Variants in SENP7 observed in about 807,000 individuals in gnomAD.
SENP7 encodes SUMO specific peptidase 7, also known as sentrin-specific protease 7.
Under a neutral mutation model 141.2 loss-of-function variants are expected in SENP7, and 64 were observed. That is an observed-to-expected ratio of 0.45 (90% confidence interval 0.37 to 0.56). The LOEUF (loss-of-function observed/expected upper bound fraction) is 0.56, where lower values mean the gene tolerates loss of function less well. Among genes scored for constraint, SENP7 ranks in the 20% least tolerant of loss-of-function variants. The pLI is 0.00. For missense variants in SENP7, 1,025 were observed against 1,212.2 expected, an observed-to-expected ratio of 0.85 and a Z score of 2.29; for synonymous variants, 382 against 426.4, an observed-to-expected ratio of 0.90 and a Z score of 1.28.
chr3:101,455,673 A>C (rs538275578), intron 4 of SENP7, among the ~76,000 whole-genome samples: 1 of 152,330 alleles, frequency 6.6e-6, no homozygotes, highest in African/African-American at 2.4e-5. Context: ...TCTTCTAAAA[A>C]TAATCTGCCC....
At chr3:101,462,326 C>A (rs2063572338) in intron 3 of SENP7, among the ~76,000 whole-genome samples, 1 of 151,542 alleles carries the variant, frequency 6.6e-6, no homozygotes, top group Non-Finnish European at 1.5e-5. Flanking sequence ...CAGATCACCT[C>A]AGGTCATGAG....
intron 19 of SENP7, among the ~76,000 whole-genome samples, chr3:101,330,665 T>C (rs886613404): frequency 6.6e-6 from 1 of 152,196 alleles, no homozygotes; most frequent in Admixed American, 6.5e-5. Flanking sequence ...TCTTCAAAAA[T>C]AGCTCATTAA....
intron 11 of SENP7, among the ~76,000 whole-genome samples, chr3:101,360,046 C>T (rs903720548): frequency 6.6e-6 from 1 of 152,020 alleles, no homozygotes; most frequent in African/African-American, 2.4e-5. Flanking sequence ...ACAGAAATAA[C>T]TGGGTAAACC....
intron 3 of SENP7, among the ~76,000 whole-genome samples, chr3:101,467,612 G>A (rs1475449803): frequency 6.6e-6 from 1 of 152,168 alleles, no homozygotes; most frequent in African/African-American, 2.4e-5. Context: ...TGCAGCTGAG[G>A]GACCTGACTG....
intron 14 of SENP7, 38 bp from the exon 15 acceptor site, chr3:101,341,817 A>G (rs751398774): frequency 3.3e-6 from 5 of 1,531,342 alleles, no homozygotes; most frequent in South Asian, 1.3e-5. Context: ...CTCAAACATC[A>G]TAACTTTCAA....
chr3:101,397,083 T>C (rs2060990750), intron 6 of SENP7, among the ~76,000 whole-genome samples: 1 of 152,298 alleles, frequency 6.6e-6, no homozygotes, highest in Non-Finnish European at 1.5e-5. Context: ...CCTCAGATGA[T>C]CCACCCGCCT....
intron 5 of SENP7, among the ~76,000 whole-genome samples, chr3:101,411,011 T>C (rs2061442961): frequency 6.6e-6 from 1 of 152,138 alleles, no homozygotes; most frequent in African/African-American, 2.4e-5. Context: ...AGCAAGGACT[T>C]TGAAGTTAGA....
intron 2 of SENP7, among the ~76,000 whole-genome samples, chr3:101,494,796 A>C (rs2065099881): frequency 6.6e-6 from 1 of 152,232 alleles, no homozygotes; most frequent in Non-Finnish European, 1.5e-5. Flanking sequence ...AAATTAATTC[A>C]AGATGGATTA....
intron 2 of SENP7, among the ~76,000 whole-genome samples, chr3:101,498,618 T>C (rs957370566): frequency 6.6e-6 from 1 of 152,218 alleles, no homozygotes; most frequent in African/African-American, 2.4e-5. Context: ...AAATGCAATG[T>C]GGGATCCTGG....
chr3:101,332,595 C>G (rs1423145860), intron 18 of SENP7, among the ~76,000 whole-genome samples, 175 bp downstream of exon 18: 15 of 151,504 alleles, frequency 9.9e-5, no homozygotes, highest in Admixed American at 9.9e-4. Flanking sequence ...TAACCATTGT[C>G]AAACCAAAAT....
intron 5 of SENP7, among the ~76,000 whole-genome samples, chr3:101,413,848 GAACA>G (rs2061524570): frequency 6.6e-6 from 1 of 152,074 alleles, no homozygotes; most frequent in African/African-American, 2.4e-5. Context: ...GAATATGGAG[GAACA>G]GACAGACACA....
intron 4 of SENP7, among the ~76,000 whole-genome samples, chr3:101,453,186 G>C (rs556423666): frequency 6.6e-5 from 10 of 152,318 alleles, no homozygotes; most frequent in East Asian, 5.8e-4. Context: ...ACACCAGTTA[G>C]AATGGCAATC....
chr3:101,446,619 C>T (rs1188600550), intron 4 of SENP7, among the ~76,000 whole-genome samples: 5 of 152,044 alleles, frequency 3.3e-5, no homozygotes, highest in African/African-American at 9.7e-5. Flanking sequence ...AGTGGAACAC[C>T]GGAAACTGTA....
At chr3:101,343,477 T>G (rs2059380447) in intron 14 of SENP7, among the ~76,000 whole-genome samples, 1 of 152,168 alleles carries the variant, frequency 6.6e-6, no homozygotes, top group African/African-American at 2.4e-5. Flanking sequence ...AAATATAGAC[T>G]AATATTTATT....
chr3:101,394,184 T>C (rs2060895619), intron 6 of SENP7, among the ~76,000 whole-genome samples: 1 of 152,164 alleles, frequency 6.6e-6, no homozygotes, highest in African/African-American at 2.4e-5. Context: ...AGCTCTCACA[T>C]GTGAGAGAGA....
chr3:101,387,594 T>C (rs895517404), intron 6 of SENP7, among the ~76,000 whole-genome samples: 1 of 152,104 alleles, frequency 6.6e-6, no homozygotes, highest in Admixed American at 6.5e-5. Flanking sequence ...ATGACCACCA[T>C]TGCCAGCACC....
intron 4 of SENP7, among the ~76,000 whole-genome samples, chr3:101,441,644 G>C (rs1352611137): frequency 1.3e-5 from 2 of 152,064 alleles, no homozygotes; most frequent in African/African-American, 4.8e-5. Flanking sequence ...GCCACAGCTG[G>C]CACCAAACAT....
intron 5 of SENP7, among the ~76,000 whole-genome samples, chr3:101,406,254 T>G (rs2061300169): frequency 3.9e-5 from 6 of 152,060 alleles, no homozygotes; most frequent in Admixed American, 3.9e-4. Flanking sequence ...TATGCAGCCA[T>G]AAAAAAGGAT....
intron 5 of SENP7, among the ~76,000 whole-genome samples, chr3:101,410,891 A>T (rs2061439553): frequency 6.6e-6 from 1 of 151,878 alleles, no homozygotes. Flanking sequence ...AAAATAAAAG[A>T]ATTAGATATG....
Sources: allele counts gnomAD v4.1 joint callset (sites outside exome capture counted in the v4.1 genomes callset), GRCh38; gene constraint gnomAD v4.1.1; transcripts MANE v1.5; gene names NCBI Gene and HGNC (gene_info 2026-07-23, HGNC 2026-07-21).